Variants in LARP4B observed in about 807,000 individuals in gnomAD.
LARP4B encodes La ribonucleoprotein 4B, also known as la-related protein 4B.
LARP4B carries 12 observed loss-of-function variants against 89.8 expected under a neutral mutation model. The observed-to-expected ratio is 0.13, with a 90% CI of 0.09 to 0.22. The LOEUF is 0.22. Among genes scored for constraint, LARP4B ranks in the 10% least tolerant of loss-of-function variants. The pLI is 1.00. For synonymous variants in LARP4B, 367 were observed against 363.3 expected (o/e 1.01, Z -0.12); for missense variants, 757 against 947.7 (o/e 0.80, Z 2.64).
chr10:878,815 A>C (rs1474849422), intron 3 of LARP4B, among the ~76,000 whole-genome samples: 1 of 152,258 alleles, frequency 6.6e-6, no homozygotes, highest in Non-Finnish European at 1.5e-5. Flanking sequence ...ACTATTGAAC[A>C]AAATGCCTTA....
At position 840,075 on chromosome 10, in the gene LARP4B, G is replaced by A. The variant is rs74844380; in HGVS notation, c.646+2857C>T. 1.0e-3 allele frequency among the ~76,000 whole-genome samples: 155 copies of A among 151,992 alleles called. 3 individuals carry two copies. The East Asian group carries it at 0.027, about 26-fold the overall frequency. On this transcript the variant is annotated intron_variant, in intron 7 of 17. Coordinates refer to ENST00000316157, the MANE Select transcript of LARP4B (RefSeq NM_015155.3). ...ATTTGTAAACACTGCAAGCTAATCCGTAGTGACAGGAAGCAAATCAGTGGT... is the reference window on the plus strand; with the variant it reads ...ATTTGTAAACACTGCAAGCTAATCCATAGTGACAGGAAGCAAATCAGTGGT...
chr10:958,786 A>G, the LARP4B span, among the ~76,000 whole-genome samples: 9,904 of 152,252 alleles, frequency 0.065, 1,099 homozygotes, highest in African/African-American at 0.23. Context: ...CACACTGACA[A>G]CGTTCATGGG....
the LARP4B span, among the ~76,000 whole-genome samples, chr10:944,279 C>T: frequency 6.6e-6 from 1 of 152,182 alleles, no homozygotes; most frequent in African/African-American, 2.4e-5. Context: ...AAGACAATTG[C>T]ATTCAAGGCC....
intron 1 of LARP4B, among the ~76,000 whole-genome samples, chr10:907,804 T>C (rs1286530345): frequency 6.6e-6 from 1 of 152,230 alleles, no homozygotes; most frequent in African/African-American, 2.4e-5. Flanking sequence ...AGAATTAGAC[T>C]GTTGGGACTT....
chr10:968,172 T>C, the LARP4B span, among the ~76,000 whole-genome samples: 1 of 152,206 alleles, frequency 6.6e-6, no homozygotes, highest in African/African-American at 2.4e-5. Flanking sequence ...CCTTATGGCA[T>C]GAAAACCTCA....
At chr10:821,650 C>A (rs1679794723) in intron 13 of LARP4B, among the ~76,000 whole-genome samples, 1 of 152,314 alleles carries the variant, frequency 6.6e-6, no homozygotes, top group African/African-American at 2.4e-5. Context: ...TATTACATAA[C>A]CTGGAAAGGA....
At chr10:826,389 A>T (rs748452450) in intron 11 of LARP4B, among the ~76,000 whole-genome samples, 4 of 152,202 alleles carry the variant, frequency 2.6e-5, no homozygotes, top group Non-Finnish European at 5.9e-5. Flanking sequence ...TTTTCAGATC[A>T]TCATTATTCC....
the LARP4B span, among the ~76,000 whole-genome samples, chr10:937,191 C>T: frequency 1.3e-5 from 2 of 152,096 alleles, no homozygotes; most frequent in Admixed American, 6.6e-5. Flanking sequence ...TACAGGCATG[C>T]GCCACCATGC....
intron 17 of LARP4B, among the ~76,000 whole-genome samples, chr10:813,828 G>A: frequency 7.0e-6 from 1 of 141,886 alleles, no homozygotes. Context: ...TTGAGACACA[G>A]TCTCACTCTG....
At chr10:871,475 G>A (rs1476002672) in intron 3 of LARP4B, among the ~76,000 whole-genome samples, 1 of 151,992 alleles carries the variant, frequency 6.6e-6, no homozygotes. Flanking sequence ...CCAAGATTTT[G>A]ACTCAAAAGC....
intron 3 of LARP4B, among the ~76,000 whole-genome samples, chr10:883,603 A>G (rs1188789298): frequency 3.3e-5 from 5 of 151,704 alleles, no homozygotes; most frequent in African/African-American, 9.7e-5. Flanking sequence ...AAATATAATA[A>G]TTTAGAAGGT....
At chr10:932,675 C>T (rs1343066939), upstream of LARP4B, among the ~76,000 whole-genome samples, 7 of 145,332 alleles carry the variant, frequency 4.8e-5, no homozygotes, top group East Asian at 1.5e-3. Context: ...ACCAAGGCCC[C>T]GGCACTGCCC....
chr10:843,423 G>A (rs369141432), intron 6 of LARP4B, among the ~76,000 whole-genome samples: 4 of 152,340 alleles, frequency 2.6e-5, no homozygotes, highest in South Asian at 4.1e-4. Flanking sequence ...GTTAGGCCGG[G>A]CACGGTGGCT....
chr10:905,945 T>G (rs1160825898), intron 1 of LARP4B, among the ~76,000 whole-genome samples: 2 of 152,208 alleles, frequency 1.3e-5, no homozygotes, highest in Non-Finnish European at 2.9e-5. Flanking sequence ...TTTCTCAGCC[T>G]CTTGGGAATG....
the LARP4B span, among the ~76,000 whole-genome samples, chr10:967,272 A>G: frequency 6.6e-6 from 1 of 152,226 alleles, no homozygotes; most frequent in Non-Finnish European, 1.5e-5. Context: ...AGGAATAAAA[A>G]TGCTAGAATT....
At chr10:884,655 T>G in intron 2 of LARP4B, 149 bp from the exon 3 acceptor site, 1 of 572,026 alleles carries the variant, frequency 1.7e-6, no homozygotes, top group East Asian at 2.9e-5. Context: ...ATTCAGAATG[T>G]AGGAGGCTTA....
At chr10:899,181 A>C (rs1172660678) in intron 1 of LARP4B, among the ~76,000 whole-genome samples, 1 of 152,216 alleles carries the variant, frequency 6.6e-6, no homozygotes, top group Non-Finnish European at 1.5e-5. Context: ...TGCCAGACTA[A>C]AACTGGTATT....
chr10:988,200 G>C, the LARP4B span: 2 of 425,278 alleles, frequency 4.7e-6, no homozygotes, highest in African/African-American at 4.1e-5. Context: ...GGAAACCCCC[G>C]CTTTACTCAG....
intron 6 of LARP4B, among the ~76,000 whole-genome samples, chr10:843,784 G>GGCCTATA (rs1833644403): frequency 6.6e-6 from 1 of 152,094 alleles, no homozygotes; most frequent in Non-Finnish European, 1.5e-5. Flanking sequence ...CCAGGATAAG[G>GGCCTATA]TCATACCCAA....
Sources: gnomAD v4.1 joint callset for allele counts (sites outside exome capture counted in the v4.1 genomes callset) on GRCh38, gnomAD v4.1.1 for gene constraint, MANE v1.5 for transcripts, NCBI Gene and HGNC (gene_info 2026-07-23, HGNC 2026-07-21) for gene names.